Variants in GPAT3 observed in about 807,000 individuals in gnomAD.
GPAT3 encodes glycerol-3-phosphate acyltransferase 3.
Under a neutral mutation model 58.8 loss-of-function variants are expected in GPAT3, and 53 were observed. That is an observed-to-expected ratio of 0.90 (90% CI 0.72 to 1.13). The LOEUF is 1.13. Among genes scored for constraint, GPAT3 ranks in the 50% most tolerant of loss-of-function variants. The pLI is 0.00. For synonymous variants in GPAT3, 197 were observed against 187.4 expected, an observed-to-expected ratio of 1.05 and a Z score of -0.42; for missense variants, 511 against 527.6, an observed-to-expected ratio of 0.97 and a Z score of 0.31.
intron 2 of GPAT3, among the ~76,000 whole-genome samples, chr4:83,580,192 T>A (rs1726054572): frequency 6.6e-6 from 1 of 152,228 alleles, no homozygotes; most frequent in Non-Finnish European, 1.5e-5. Flanking sequence ...AAATTTATGC[T>A]GCTTTAAAAA....
intron 2 of GPAT3, among the ~76,000 whole-genome samples, chr4:83,578,976 C>CTTTCT (rs1725944219): frequency 1.9e-5 from 2 of 104,426 alleles, no homozygotes; most frequent in Middle Eastern, 4.5e-3. Context: ...TTCTTTCTTT[C>CTTTCT]TTTCTTTCTT....
In GPAT3 at chr4:83,536,427, G is replaced by T. The variant is rs1724085882; in HGVS notation, c.-196G>T. On this transcript the variant is annotated 5_prime_UTR_variant, in exon 1 of 12. Coordinates refer to ENST00000264409, the MANE Select transcript of GPAT3 (RefSeq NM_032717.5). ...GGAGAAAGAGTTAACTGGCAGGGGC[G>T]AGGAGGAGCCCAGGGAGGAAGGAAG... 1 of 1,381,932 alleles carries T rather than the reference G, an allele frequency of 7.2e-7. No individual in the cohort carries two copies. The highest frequency in any genetic ancestry group is 9.3e-7 in the Non-Finnish European group (1 of 1,070,104). The allele number at this position is 1,381,932 out of a possible 1,614,324, so 85.6% of individuals were successfully genotyped here.
chr4:83,543,130 T>A (rs1329277387), intron 1 of GPAT3, among the ~76,000 whole-genome samples: 1 of 152,058 alleles, frequency 6.6e-6, no homozygotes, highest in East Asian at 1.9e-4. Flanking sequence ...TGAAACCCGG[T>A]TTTTACAAAA....
chr4:83,590,643 C>CA (rs1726560910), intron 6 of GPAT3, among the ~76,000 whole-genome samples: 1 of 152,122 alleles, frequency 6.6e-6, no homozygotes, highest in African/African-American at 2.4e-5. Flanking sequence ...GCACATATCC[C>CA]CTAGCCAGCC....
chr4:83,544,316 A>G (rs116709208), intron 1 of GPAT3, among the ~76,000 whole-genome samples: 2,180 of 152,246 alleles, frequency 0.014, 57 homozygotes, highest in African/African-American at 0.049. Flanking sequence ...AAGGGTAAAT[A>G]TTGTCCTTTC....
chr4:83,588,404 G>C, intron 5 of GPAT3, 105 bp downstream of exon 5: 1 of 1,011,582 alleles, frequency 9.9e-7, no homozygotes, highest in Non-Finnish European at 1.5e-6. Context: ...GAGTCAGAGT[G>C]CTTCCAATGT....
intron 2 of GPAT3, among the ~76,000 whole-genome samples, chr4:83,574,879 T>TTG (rs1725740041): frequency 2.9e-5 from 4 of 137,468 alleles, no homozygotes; most frequent in African/African-American, 1.1e-4. Flanking sequence ...TTTTTTTTTT[T>TTG]TTGTTTTTTT....
intron 2 of GPAT3, among the ~76,000 whole-genome samples, chr4:83,564,088 C>T (rs1328367321): frequency 6.6e-6 from 1 of 152,174 alleles, no homozygotes; most frequent in Non-Finnish European, 1.5e-5. Flanking sequence ...TAGTGTCAAA[C>T]TGCCCTCCAT....
At chr4:83,544,410 G>T (rs1724425003) in intron 1 of GPAT3, 126 bp from the exon 2 acceptor site, 1 of 913,244 alleles carries the variant, frequency 1.1e-6, no homozygotes, top group Non-Finnish European at 1.8e-6. Flanking sequence ...ATTCCCTGGG[G>T]TTAGCTCTTT....
Position 83,605,779 on chromosome 4 carries a change from G to T in GPAT3, c.*1012G>T, listed in dbSNP as rs1727232141. 6.6e-6 allele frequency: 1 copy of T among 152,548 alleles called. No homozygotes were observed. Among genetic ancestry groups the T allele is most frequent in the Admixed American group, 6.6e-5 (1 of 15,260 alleles). 9.4% of individuals were successfully genotyped at this position (152,548 alleles called of 1,614,324 possible). A position where few individuals can be genotyped will look rare whatever the true frequency, so the allele number is the denominator to read the frequency against. On this transcript the variant is annotated 3_prime_UTR_variant, in exon 12 of 12. Coordinates refer to ENST00000264409, the MANE Select transcript of GPAT3 (RefSeq NM_032717.5). ...AAGCAATGTTTGACAGCAATATAAT[G>T]CCGTTGTAAACTACTGAGAGTATTG...
chr4:83,537,277 G>A (rs1724133778), intron 1 of GPAT3, among the ~76,000 whole-genome samples: 1 of 152,140 alleles, frequency 6.6e-6, no homozygotes, highest in African/African-American at 2.4e-5. Context: ...GTGGAGTCAT[G>A]GAAATTTTAT....
At chr4:83,579,015 TCC>T (rs1466763096) in intron 2 of GPAT3, among the ~76,000 whole-genome samples, 1,097 of 108,302 alleles carry the variant, frequency 0.01, 130 homozygotes, top group African/African-American at 0.039. Context: ...CTTCCTTCTT[TCC>T]CTTTCTTTCT....
chr4:83,579,192 ATTTC>A (rs1423534039), intron 2 of GPAT3, among the ~76,000 whole-genome samples: 2 of 87,424 alleles, frequency 2.3e-5, no homozygotes, highest in African/African-American at 4.6e-5. Context: ...CTTAATTTTT[ATTTC>A]TTTCTCTCTC....
chr4:83,581,193 G>A (rs1490452530), intron 2 of GPAT3, among the ~76,000 whole-genome samples: 1 of 151,774 alleles, frequency 6.6e-6, no homozygotes, highest in East Asian at 1.9e-4. Context: ...TTTTGTCAGG[G>A]AGAACAGAAG....
intron 2 of GPAT3, among the ~76,000 whole-genome samples, chr4:83,552,065 C>G (rs1346434633): frequency 6.6e-6 from 1 of 152,170 alleles, no homozygotes; most frequent in Non-Finnish European, 1.5e-5. Flanking sequence ...CTCCAAAACA[C>G]AGCTCCATTC....
chr4:83,594,862 C>A lies in GPAT3; in HGVS notation c.756C>A (p.Gly252=), dbSNP rs765240686. The A allele has an allele frequency of 2.6e-5, 42 of 1,613,618 alleles. No homozygotes were observed. Among genetic ancestry groups the A allele is most frequent in the Non-Finnish European group, 3.5e-5 (41 of 1,179,768 alleles). ...ACTTCTAGGTTGGCCAGGTTCATGG[C>A]GGCTTGATGGGAATTATTCAGAGAG... is the stretch of plus-strand genomic sequence containing the variant. The part of the protein sequence containing the change: ...GCYAMVGQVH[G]GLMGIIQRAM... Residue 252 remains glycine, a synonymous_variant, in exon 7 of 12, where the codon GGC becomes GGA. Coordinates refer to ENST00000264409, the MANE Select transcript of GPAT3 (RefSeq NM_032717.5).
chr4:83,559,449 G>A (rs1308137694), intron 2 of GPAT3, among the ~76,000 whole-genome samples: 4 of 151,954 alleles, frequency 2.6e-5, no homozygotes, highest in Non-Finnish European at 5.9e-5. Flanking sequence ...TCAGCCTCCC[G>A]AGTAGCTGGG....
intron 2 of GPAT3, among the ~76,000 whole-genome samples, chr4:83,567,937 T>A (rs890521296): frequency 1.3e-5 from 2 of 152,222 alleles, no homozygotes; most frequent in African/African-American, 2.4e-5. Flanking sequence ...ACTTTTTTTT[T>A]AAATAGAAAA....
chr4:83,546,507 T>C (rs1224924776), intron 2 of GPAT3, among the ~76,000 whole-genome samples: 1 of 152,128 alleles, frequency 6.6e-6, no homozygotes, highest in East Asian at 1.9e-4. Context: ...GTCTTTTCTA[T>C]GGTGTCTCCA....
Sources: allele counts gnomAD v4.1 joint callset (sites outside exome capture counted in the v4.1 genomes callset), GRCh38; gene constraint gnomAD v4.1.1; transcripts MANE v1.5; gene names NCBI Gene and HGNC (gene_info 2026-07-23, HGNC 2026-07-21).